The following PCDHGA4 variants were observed in gnomAD, a reference collection of about 807,000 sequenced individuals.
PCDHGA4 encodes the protein protocadherin gamma subfamily A, 4.
PCDHGA4 carries 38 observed loss-of-function variants against 54.6 expected under a neutral mutation model. That is an observed-to-expected ratio of 0.70 (90% CI 0.54 to 0.91). The LOEUF (loss-of-function observed/expected upper bound fraction) is 0.91, where lower values mean the gene tolerates loss of function less well. PCDHGA4 is among the 40% of genes least tolerant of loss of function. The pLI is 0.00. For synonymous variants in PCDHGA4, 511 were observed against 512.9 expected (o/e 1.00, Z 0.05); for missense variants, 1,298 against 1,220.9 (o/e 1.06, Z -0.94).
At position 141,355,808 on chromosome 5, in the gene PCDHGA4, A is replaced by G. The variant is rs533937335; in HGVS notation, c.701A>G (p.Glu234Gly). The stretch of plus-strand genomic sequence containing the variant: ...GTGCTGGAACGCGCTCTAGATCGCG[A>G]GGAAGAGGCGGTTCACCACCTCGTT... ...ELVLERALDR[E>G]EEAVHHLVLT... Residue 234 changes from glutamate (E) to glycine (G), a missense_variant, in exon 1 of 4, where the codon GAG becomes GGG. By Grantham distance (98) the Glu-to-Gly change is moderately conservative. Coordinates refer to ENST00000571252, the MANE Select transcript of PCDHGA4 (RefSeq NM_018917.4). 7 of 1,613,360 alleles carry G rather than the reference A, an allele frequency of 4.3e-6. No homozygotes were observed. The South Asian group carries it at 6.6e-5, about 15-fold the overall frequency.
At chr5:141,437,445 T>C (rs187869679) in intron 1 of PCDHGA4, among the ~76,000 whole-genome samples, 1 of 152,348 alleles carries the variant, frequency 6.6e-6, no homozygotes, top group East Asian at 1.9e-4. Flanking sequence ...CATAGGAATG[T>C]TGAGGAGACT....
intron 1 of PCDHGA4, chr5:141,423,057 T>C (rs1443300486): frequency 6.2e-7 from 1 of 1,614,060 alleles, no homozygotes; most frequent in Non-Finnish European, 8.5e-7. Flanking sequence ...ATCGCCTGCT[T>C]AAGGCCAGCG....
chr5:141,487,355 G>A lies in PCDHGA4; in HGVS notation c.2515-7452G>A. ...AGCCTGTGGAGTCACATGCTTTCCT[G>A]CTGGCACCTGTGCCTGTCTCACCAG... On this transcript the variant is annotated intron_variant, in intron 1 of 3. Coordinates refer to ENST00000571252, the MANE Select transcript of PCDHGA4 (RefSeq NM_018917.4). This position sits in a 1 kb window ranked among gnomAD's most constrained non-coding sequence, Gnocchi z 5.0. 1 of 1,614,150 alleles carries A rather than the reference G, an allele frequency of 6.2e-7. No homozygotes were observed. Among genetic ancestry groups the A allele is most frequent in the South Asian group, 1.1e-5 (1 of 91,090 alleles).
At chr5:141,488,260 G>A (rs1297588710) in intron 1 of PCDHGA4, among the ~76,000 whole-genome samples, 2 of 152,182 alleles carry the variant, frequency 1.3e-5, no homozygotes, top group Non-Finnish European at 1.5e-5. Context: ...AGGTTGGGGC[G>A]GGTTGGTCAT....
chr5:141,383,961 C>CT, intron 1 of PCDHGA4: 1 of 1,613,356 alleles, frequency 6.2e-7, no homozygotes, highest in Non-Finnish European at 8.5e-7. Context: ...CTTTAAGTAG[C>CT]TCAATCCCTG....
rs773729429 is a variant in PCDHGA4, at chr5:141,491,406, C to T, written c.2515-3401C>T. ...CGAAGTGCCTTCAGGGAAACGCAGA[C>T]GGGGACGGGGGTGGAGGGCAGTGCT... On this transcript the variant is annotated intron_variant, in intron 1 of 3. Transcript: ENST00000571252. The surrounding 1 kb of genome is among the most constrained non-coding windows in gnomAD (Gnocchi z 6.9). The T allele has an allele frequency of 1.2e-6, 2 of 1,614,096 alleles. No homozygotes were observed. The highest frequency in any genetic ancestry group is 1.7e-6 in the Non-Finnish European group (2 of 1,179,990).
At chr5:141,364,954 C>T (rs765455076) in intron 1 of PCDHGA4, 17 of 1,613,940 alleles carry the variant, frequency 1.1e-5, no homozygotes, top group Admixed American at 1.0e-4. Flanking sequence ...AGACTGTTCA[C>T]GACCTCCTCC....
intron 1 of PCDHGA4, chr5:141,417,116 C>A (rs1407873769): frequency 6.6e-6 from 1 of 151,954 alleles, no homozygotes; most frequent in Non-Finnish European, 1.5e-5. Context: ...ATACAGGACA[C>A]CCTGGATGAT....
intron 1 of PCDHGA4, chr5:141,479,691 C>T (rs2099503603): frequency 6.6e-6 from 1 of 152,206 alleles, no homozygotes; most frequent in Non-Finnish European, 1.5e-5. Context: ...TTTGGTGCCT[C>T]CAGTGTTAGT....
intron 1 of PCDHGA4, chr5:141,433,239 G>A: frequency 1.3e-6 from 2 of 1,494,126 alleles, no homozygotes; most frequent in Non-Finnish European, 1.8e-6. Context: ...TGTCTCCCAA[G>A]CTGGAATGCA....
intron 2 of PCDHGA4, 34 bp from the exon 3 acceptor site, chr5:141,505,359 G>T: frequency 1.9e-6 from 3 of 1,613,870 alleles, no homozygotes; most frequent in Non-Finnish European, 2.5e-6. Context: ...TGCCGGCCTG[G>T]GAGTCTGTGC....
intron 1 of PCDHGA4, chr5:141,413,787 A>G (rs2095678061): frequency 6.2e-7 from 1 of 1,613,170 alleles, no homozygotes; most frequent in African/African-American, 1.3e-5. Flanking sequence ...AGCACTCCCT[A>G]GATCGCGAGG....
chr5:141,458,718 C>T (rs569153299), intron 1 of PCDHGA4, among the ~76,000 whole-genome samples: 3 of 151,942 alleles, frequency 2.0e-5, no homozygotes, highest in African/African-American at 4.8e-5. Context: ...TACAGGTATT[C>T]GCCACCACAT....
chr5:141,393,898 C>T lies in PCDHGA4; in HGVS notation c.2514+36277C>T, dbSNP rs182092307. On this transcript the variant is annotated intron_variant, in intron 1 of 3. Transcript: ENST00000571252. ...AGCCCAGTGTTAGAAAATTCTCTTC[C>T]CGGGACAGTAATTGCCTTCTTGAGT... The T allele has an allele frequency of 3.0e-5, 49 of 1,613,956 alleles. No individual in the cohort carries two copies. The African/African-American group carries it at 5.1e-4, about 17-fold the overall frequency.
rs765123370 is a variant in PCDHGA4, at chr5:141,365,478, C to A, written c.2514+7857C>A. On this transcript the variant is annotated intron_variant, in intron 1 of 3. Coordinates refer to ENST00000571252, the MANE Select transcript of PCDHGA4 (RefSeq NM_018917.4). ...GATTCTGGAGAAAATGGTGAGATTGCATGCTCTATTCCTAGGAATTTGCCT... is the reference window on the plus strand; with the variant it reads ...GATTCTGGAGAAAATGGTGAGATTGAATGCTCTATTCCTAGGAATTTGCCT... The A allele has an allele frequency of 8.1e-6, 13 of 1,614,014 alleles. No homozygotes were observed. In the South Asian group the frequency reaches 1.4e-4, roughly 18 times the overall value.
intron 1 of PCDHGA4, chr5:141,430,662 C>A: frequency 8.6e-7 from 1 of 1,169,068 alleles, no homozygotes; most frequent in Non-Finnish European, 1.2e-6. Context: ...AACGGAGGAG[C>A]TCTGACTTCC....
chr5:141,404,350 C>T (rs757103755), intron 1 of PCDHGA4: 1 of 1,613,894 alleles, frequency 6.2e-7, no homozygotes, highest in Non-Finnish European at 8.5e-7. Flanking sequence ...AAAACAACGC[C>T]AGAGGTACTT....
In PCDHGA4 at chr5:141,489,087, T is replaced by A. The variant is rs2099682381; in HGVS notation, c.2515-5720T>A. ...CCCCCTGCCCACCCCCGCCACTCGG[T>A]GACTAAGAACTGCTGCAAGCAGGCA... is the stretch of plus-strand genomic sequence containing the variant. On this transcript the variant is annotated intron_variant, in intron 1 of 3. Coordinates refer to ENST00000571252, the MANE Select transcript of PCDHGA4 (RefSeq NM_018917.4). This position sits in a 1 kb window ranked among gnomAD's most constrained non-coding sequence, Gnocchi z 4.5. The A allele has an allele frequency of 4.6e-6, 1 of 216,106 alleles. No individual in the cohort carries two copies. Among genetic ancestry groups the A allele is most frequent in the Non-Finnish European group, 8.4e-6 (1 of 118,734 alleles). 13.4% of individuals were successfully genotyped at this position (216,106 alleles called of 1,614,324 possible). A position where few individuals can be genotyped will look rare whatever the true frequency, so the allele number is the denominator to read the frequency against.
In PCDHGA4 at chr5:141,400,602, A is replaced by C; in HGVS notation, c.2514+42981A>C. 3.1e-6 allele frequency: 5 copies of C among 1,590,234 alleles called. No homozygotes were observed. In the South Asian group the frequency reaches 5.6e-5, roughly 18 times the overall value. ...TTACATGAAACTATCGTACATTTTCAAGTCCAATGAGTTGTCTTAGGGAAG... is the reference window on the plus strand; with the variant it reads ...TTACATGAAACTATCGTACATTTTCCAGTCCAATGAGTTGTCTTAGGGAAG... On this transcript the variant is annotated intron_variant, in intron 1 of 3. Transcript: ENST00000571252.
Sources: gnomAD v4.1 joint callset for allele counts (sites outside exome capture counted in the v4.1 genomes callset) on GRCh38, gnomAD v4.1.1 for gene constraint, Gnocchi (gnomAD v3.1) non-coding constraint, MANE v1.5 for transcripts, NCBI Gene and HGNC (gene_info 2026-07-23, HGNC 2026-07-21) for gene names.